RNASEH2B: variants seen among roughly 807,000 people sequenced by gnomAD.
RNASEH2B encodes Aicardi-Goutieres syndrome 2 protein.
Under a neutral mutation model 45.0 loss-of-function variants are expected in RNASEH2B, and 36 were observed. That is an observed-to-expected ratio of 0.80 (90% CI 0.61 to 1.06). RNASEH2B has a LOEUF of 1.06. Among genes scored for constraint, RNASEH2B ranks in the 50% least tolerant of loss-of-function variants. The pLI is 0.00. For synonymous variants in RNASEH2B, 119 were observed against 125.7 expected (o/e 0.95, Z 0.35); for missense variants, 361 against 360.3 (o/e 1.00, Z -0.02).
intron 1 of RNASEH2B, among the ~76,000 whole-genome samples, chr13:50,923,606 CCA>C (rs1951552401): frequency 6.6e-6 from 1 of 152,124 alleles, no homozygotes; most frequent in South Asian, 2.1e-4. Flanking sequence ...TAGGAAGGAA[CCA>C]AGACATTCTC....
intron 1 of RNASEH2B, chr13:50,927,201 A>G (rs980441816): frequency 2.1e-6 from 1 of 481,364 alleles, no homozygotes; most frequent in South Asian, 2.0e-5. Context: ...CATTCCTCAT[A>G]GCAATACATT....
At position 50,909,888 on chromosome 13, in the gene RNASEH2B, C is replaced by A; in HGVS notation, c.-189C>A. 4.3e-6 allele frequency: 2 copies of A among 470,302 alleles called. No individual in the cohort carries two copies. The highest frequency in any genetic ancestry group is 3.7e-6 in the Non-Finnish European group (1 of 268,012). The allele number at this position is 470,302 out of a possible 1,614,324, so 29.1% of individuals were successfully genotyped here. ...CCTCGCCTGGCGCTAAATTTAAAAA[C>A]GTAACACGAGCAGCAGGCTGGTCTC... On this transcript the variant is annotated 5_prime_UTR_variant, in exon 1 of 11. Coordinates refer to ENST00000336617, the MANE Select transcript of RNASEH2B (RefSeq NM_024570.4).
intron 1 of RNASEH2B, chr13:50,915,261 A>G: frequency 2.5e-6 from 1 of 396,276 alleles, no homozygotes. Flanking sequence ...TCCAAATTCT[A>G]CCCTTTCCTC....
chr13:50,948,423 CT>C (rs967389856), intron 8 of RNASEH2B: 6 of 174,550 alleles, frequency 3.4e-5, no homozygotes, highest in Admixed American at 5.7e-5. Flanking sequence ...GGAATATAGA[CT>C]TTTTTTTAAT....
intron 1 of RNASEH2B, chr13:50,911,170 T>G (rs1243338612): frequency 6.6e-6 from 1 of 152,254 alleles, no homozygotes; most frequent in Non-Finnish European, 1.5e-5. Context: ...GCCTCATGCC[T>G]GTTCCTAGAT....
At chr13:50,930,265 A>G in intron 3 of RNASEH2B, 1 of 303,048 alleles carries the variant, frequency 3.3e-6, no homozygotes, top group Non-Finnish European at 6.4e-6. Context: ...CTTTGTCCTC[A>G]AAAGCACAGG....
intron 5 of RNASEH2B, chr13:50,942,096 G>A (rs1402179369): frequency 6.6e-6 from 1 of 152,160 alleles, no homozygotes; most frequent in African/African-American, 2.4e-5. Context: ...ACTCAGAGGT[G>A]GTAAATTCAC....
chr13:50,965,602 G>A (rs192170537), intron 9 of RNASEH2B, among the ~76,000 whole-genome samples: 19 of 152,282 alleles, frequency 1.2e-4, no homozygotes, highest in Admixed American at 1.1e-3. Context: ...GCTAAACCTT[G>A]AACTTCAAGA....
intron 5 of RNASEH2B, chr13:50,936,845 TC>T (rs1951758443): frequency 6.6e-6 from 1 of 152,230 alleles, no homozygotes; most frequent in Admixed American, 6.5e-5. Context: ...TCTCTCTGTG[TC>T]ATCCCTTCCC....
Position 50,947,993 on chromosome 13 carries a change from A to G in RNASEH2B, c.623A>G (p.Tyr208Cys), listed in dbSNP as rs2138000084. 6.2e-7 allele frequency: 1 copy of G among 1,609,488 alleles called. No homozygotes were observed. Among genetic ancestry groups the G allele is most frequent in the Non-Finnish European group, 8.5e-7 (1 of 1,178,884 alleles). ...CTCCTTCTGTTTCTTTCAGAGGATT[A>G]TATTCGTTATGCCCATGGTCTGATA... ...DQASTDKEEDYIRYAHGLISD... is the reference protein window; with the variant it reads ...DQASTDKEEDCIRYAHGLISD... Residue 208 changes from tyrosine to cysteine, a missense_variant, in exon 8 of 11, where the codon TAT becomes TGT. Transcript: ENST00000336617.
chr13:50,934,847 G>A, intron 4 of RNASEH2B, 38 bp from the exon 5 acceptor site: 1 of 1,365,956 alleles, frequency 7.3e-7, no homozygotes, highest in Non-Finnish European at 1.0e-6. Flanking sequence ...TGTCTTTGTT[G>A]AATGAAATGC....
Position 50,927,887 on chromosome 13 carries a change from G to A in RNASEH2B, c.136+409G>A, listed in dbSNP as rs182523960. ...AGAATTTAAAAAAACAAAAACAGAA[G>A]GCTTTTACTTGACATGCCAAGATTT... On this transcript the variant is annotated intron_variant, in intron 2 of 10. Transcript: ENST00000336617. Among the ~76,000 whole-genome samples the A allele has an allele frequency of 7.5e-3, 1,138 of 151,624 alleles. 14 individuals are homozygous for A. The highest frequency in any genetic ancestry group is 0.026 in the African/African-American group (1,080 of 41,394).
chr13:50,960,829 C>T (rs1051363727), downstream of RNASEH2B, among the ~76,000 whole-genome samples: 1 of 152,124 alleles, frequency 6.6e-6, no homozygotes, highest in East Asian at 1.9e-4. Context: ...TGGAAGGATT[C>T]ATTTTGCATT....
Position 50,964,555 on chromosome 13 carries a change from G to T in RNASEH2B, c.742-5377G>T, listed in dbSNP as rs140697746. Among the ~76,000 whole-genome samples the T allele has an allele frequency of 3.0e-4, 46 of 152,250 alleles. 1 individual carries two copies. The East Asian group carries it at 8.5e-3, about 28-fold the overall frequency. On this transcript the variant is annotated intron_variant, in intron 9 of 9. Coordinates refer to the RNASEH2B transcript ENST00000422660. The stretch of plus-strand genomic sequence containing the variant: ...AAACACTTGCATTATTATCCCTGTT[G>T]AAAGTTAGCTTCTTCACAATAGGAA...
chr13:50,935,391 T>A, intron 5 of RNASEH2B: 1 of 268,876 alleles, frequency 3.7e-6, no homozygotes, highest in Non-Finnish European at 7.3e-6. Flanking sequence ...AAGCATATGT[T>A]GCACATTAGT....
intron 1 of RNASEH2B, chr13:50,910,467 C>G: frequency 3.9e-6 from 1 of 253,500 alleles, no homozygotes. Context: ...AGGTTTCTGC[C>G]CTTGGTGTCC....
chr13:50,947,776 A>G (rs534130778), intron 7 of RNASEH2B, among the ~76,000 whole-genome samples: 2 of 152,160 alleles, frequency 1.3e-5, no homozygotes, highest in South Asian at 2.1e-4. Context: ...GTATCATCAC[A>G]TGTCATATCT....
At chr13:50,961,767 G>A (rs1330610163) in intron 9 of RNASEH2B, among the ~76,000 whole-genome samples, 2 of 152,002 alleles carry the variant, frequency 1.3e-5, no homozygotes, top group Non-Finnish European at 2.9e-5. Flanking sequence ...CTATATACTC[G>A]TATCAACATT....
intron 1 of RNASEH2B, among the ~76,000 whole-genome samples, chr13:50,921,506 G>A (rs1774037836): frequency 6.6e-6 from 1 of 152,170 alleles, no homozygotes; most frequent in Non-Finnish European, 1.5e-5. Flanking sequence ...AAACCTGTTG[G>A]GTGAGAGGCT....
Sources: gnomAD v4.1 joint callset for allele counts (sites outside exome capture counted in the v4.1 genomes callset) on GRCh38, gnomAD v4.1.1 for gene constraint, MANE v1.5 for transcripts, NCBI Gene and HGNC (gene_info 2026-07-23, HGNC 2026-07-21) for gene names.